Variants in SPINK6 observed in about 807,000 individuals in gnomAD.
SPINK6 encodes serine protease inhibitor Kazal-type 6.
Under a neutral mutation model 11.7 loss-of-function variants are expected in SPINK6, and 13 were observed. That is an observed-to-expected ratio of 1.11 (90% CI 0.72 to 1.76). The LOEUF is 1.76. Ranked by LOEUF, SPINK6 falls within the 40% of genes most tolerant of loss-of-function variation. The pLI is 0.00. For synonymous variants in SPINK6, 21 were observed against 31.9 expected (o/e 0.66, Z 1.15); for missense variants, 98 against 93.7 (o/e 1.05, Z -0.19).
chr5:148,211,875 G>A (rs1373044971), intron 2 of SPINK6, among the ~76,000 whole-genome samples: 1 of 152,176 alleles, frequency 6.6e-6, no homozygotes, highest in Admixed American at 6.5e-5. Context: ...GCTCAACTGA[G>A]ATAATCTGTG....
chr5:148,206,038 G>A lies in SPINK6; in HGVS notation c.61G>A (p.Val21Ile), dbSNP rs1372570593. 3 of 1,613,868 alleles carry A rather than the reference G, an allele frequency of 1.9e-6. No homozygotes were observed. ...SLALFCFLTG[V>I]FSQGGQVDCG... ...TGAATGTTGTGCTTTTCTTTCAGGT[G>A]TCTTCAGTCAGGGAGGACAGGTCAG... Residue 21 changes from valine (V) to isoleucine (I), a missense_variant and splice_region_variant, in exon 2 of 4, where the codon GTC (valine) becomes ATC (isoleucine). Physicochemically the swap from Val to Ile is conservative, Grantham distance 29. Coordinates refer to ENST00000325630, the MANE Select transcript of SPINK6 (RefSeq NM_205841.4).
rs2113303976 is a variant in SPINK6, at chr5:148,203,208, G to A, written c.58+54G>A. The A allele has an allele frequency of 5.5e-6, 7 of 1,267,640 alleles. No homozygotes were observed. The Admixed American group carries it at 6.6e-5, about 12-fold the overall frequency. 78.5% of individuals were successfully genotyped at this position (1,267,640 alleles called of 1,614,324 possible). On this transcript the variant is annotated intron_variant, in intron 1 of 3. Transcript: ENST00000325630. ...ATATTTATACTGAACTGGATATGATGAGTAGTTGTTTATCATATTTTAAAT... is the reference window on the plus strand; with the variant it reads ...ATATTTATACTGAACTGGATATGATAAGTAGTTGTTTATCATATTTTAAAT...
At position 148,215,004 on chromosome 5, in the gene SPINK6, A is replaced by G. The variant is rs997296703; in HGVS notation, c.*54A>G. 1.2e-5 allele frequency: 19 copies of G among 1,552,550 alleles called. No individual in the cohort carries two copies. In the Admixed American group the frequency reaches 3.2e-4, roughly 26 times the overall value. ...CCAGCTTTTGCAGCCTTCTTTTCTC[A>G]CTTCTGCTTATACTTTTGCTGGTGG... is the stretch of plus-strand genomic sequence containing the variant. On this transcript the variant is annotated 3_prime_UTR_variant, in exon 4 of 4. Transcript: ENST00000325630.
In SPINK6 at chr5:148,206,594, G is replaced by A. The variant is rs545691929; in HGVS notation, c.81+536G>A. 1.1e-3 allele frequency among the ~76,000 whole-genome samples: 170 copies of A among 152,278 alleles called. 1 individual carries two copies. Among genetic ancestry groups the A allele is most frequent in the African/African-American group, 3.5e-3 (147 of 41,548 alleles). ...AGATAAGAAACTAGTTTACTGCTCTGTAATGAGGATATACAGACTGATTCA... is the reference window on the plus strand; with the variant it reads ...AGATAAGAAACTAGTTTACTGCTCTATAATGAGGATATACAGACTGATTCA... On this transcript the variant is annotated intron_variant, in intron 2 of 3. Coordinates refer to ENST00000325630, the MANE Select transcript of SPINK6 (RefSeq NM_205841.4).
intron 2 of SPINK6, among the ~76,000 whole-genome samples, chr5:148,210,382 A>G (rs549544576): frequency 1.2e-4 from 17 of 147,802 alleles, no homozygotes; most frequent in African/African-American, 4.2e-4. Flanking sequence ...TTCTGCATAC[A>G]TATATATGTA....
At chr5:148,212,154 G>C (rs1415635071) in intron 2 of SPINK6, among the ~76,000 whole-genome samples, 1 of 151,968 alleles carries the variant, frequency 6.6e-6, no homozygotes, top group Non-Finnish European at 1.5e-5. Context: ...TAGTTGAAAG[G>C]ATATGTTAGT....
At chr5:148,211,979 G>C (rs938846388) in intron 2 of SPINK6, among the ~76,000 whole-genome samples, 10 of 152,206 alleles carry the variant, frequency 6.6e-5, no homozygotes, top group Middle Eastern at 3.4e-3. Flanking sequence ...CCATATGTAA[G>C]TGTCACTTCA....
intron 1 of SPINK6, among the ~76,000 whole-genome samples, chr5:148,203,544 G>T (rs1002345456): frequency 2.6e-5 from 4 of 152,104 alleles, no homozygotes; most frequent in African/African-American, 4.8e-5. Context: ...TTTAATGTTT[G>T]TTCCATAAAA....
intron 2 of SPINK6, among the ~76,000 whole-genome samples, chr5:148,209,840 G>T (rs906886008): frequency 3.3e-5 from 5 of 150,574 alleles, no homozygotes; most frequent in African/African-American, 1.2e-4. Flanking sequence ...CATGAAAAAT[G>T]GAAAAAATGG....
At chr5:148,212,778 ATATAT>A (rs1463807590) in intron 2 of SPINK6, among the ~76,000 whole-genome samples, 12 of 133,680 alleles carry the variant, frequency 9.0e-5, no homozygotes, top group Admixed American at 2.5e-4. Context: ...GTATATATTT[ATATAT>A]TATATTATAT....
At chr5:148,210,007 C>CATACACACTTACGTATGT (rs1554112271) in intron 2 of SPINK6, among the ~76,000 whole-genome samples, 4 of 105,732 alleles carry the variant, frequency 3.8e-5, no homozygotes, top group Non-Finnish European at 5.5e-5. Context: ...CGTATGTATA[C>CATACACACTTACGTATGT]ATGTATGTAC....
intron 2 of SPINK6, among the ~76,000 whole-genome samples, chr5:148,209,969 T>TACGTATGTGTGTATACATACAC (rs1561732069): frequency 7.9e-6 from 1 of 126,610 alleles, no homozygotes. Context: ...TATACATACA[T>TACGTATGTGTGTATACATACAC]ACGTACGTAT....
At chr5:148,206,509 T>C (rs1225661208) in intron 2 of SPINK6, among the ~76,000 whole-genome samples, 1 of 152,198 alleles carries the variant, frequency 6.6e-6, no homozygotes, top group African/African-American at 2.4e-5. Flanking sequence ...AAAATTAACA[T>C]CCTCTGAAGA....
chr5:148,211,085 A>T (rs1026282886), intron 2 of SPINK6, among the ~76,000 whole-genome samples: 2 of 152,156 alleles, frequency 1.3e-5, no homozygotes, highest in African/African-American at 4.8e-5. Context: ...AGTTGACTTA[A>T]TGACCATATA....
chr5:148,211,634 T>A (rs1755598756), intron 2 of SPINK6, among the ~76,000 whole-genome samples: 2 of 152,168 alleles, frequency 1.3e-5, no homozygotes, highest in Admixed American at 6.5e-5. Context: ...TTGTTCAAGA[T>A]AACACAGACA....
intron 2 of SPINK6, among the ~76,000 whole-genome samples, chr5:148,210,979 A>G (rs1455155580): frequency 6.6e-6 from 1 of 152,186 alleles, no homozygotes; most frequent in Non-Finnish European, 1.5e-5. Context: ...ATGCCATTAT[A>G]TATCCCAAAT....
chr5:148,211,658 C>G, intron 2 of SPINK6, among the ~76,000 whole-genome samples: 1 of 152,146 alleles, frequency 6.6e-6, no homozygotes, highest in Non-Finnish European at 1.5e-5. Flanking sequence ...AATGGCGGAA[C>G]AGGTTCTAAA....
chr5:148,210,650 T>C (rs1260789659), intron 2 of SPINK6, among the ~76,000 whole-genome samples: 3 of 151,590 alleles, frequency 2.0e-5, no homozygotes, highest in Non-Finnish European at 4.4e-5. Context: ...ATAATTAATA[T>C]TCAGGAGTAA....
chr5:148,212,773 TA>T (rs1262496817), intron 2 of SPINK6, among the ~76,000 whole-genome samples: 7 of 126,330 alleles, frequency 5.5e-5, no homozygotes, highest in African/African-American at 1.9e-4. Flanking sequence ...ATATTGTATA[TA>T]TTTATATATT....
Sources: allele counts gnomAD v4.1 joint callset (sites outside exome capture counted in the v4.1 genomes callset), GRCh38; gene constraint gnomAD v4.1.1; transcripts MANE v1.5; gene names NCBI Gene and HGNC (gene_info 2026-07-23, HGNC 2026-07-21).